Variants in KIAA1328 observed in about 807,000 individuals in gnomAD.
KIAA1328 encodes the protein protein hinderin.
KIAA1328 carries 52 observed loss-of-function variants against 68.1 expected under a neutral mutation model. The ratio of observed to expected loss-of-function variants is 0.76; its 90% CI spans 0.61 to 0.96. The LOEUF is 0.96. KIAA1328 is among the 40% of genes least tolerant of loss of function. The pLI is 0.00. For missense variants in KIAA1328, 641 were observed against 677.6 expected (o/e 0.95, Z 0.60); for synonymous variants, 232 against 239.4 (o/e 0.97, Z 0.28).
At chr18:36,913,511 C>CAT (rs2049547144) in intron 5 of KIAA1328, among the ~76,000 whole-genome samples, 2 of 119,518 alleles carry the variant, frequency 1.7e-5, no homozygotes, top group African/African-American at 2.8e-5. Context: ...CACACACACA[C>CAT]ACACACACAC....
intron 6 of KIAA1328, among the ~76,000 whole-genome samples, chr18:37,008,954 T>C (rs567565482): frequency 2.3e-4 from 35 of 152,020 alleles, no homozygotes; most frequent in African/African-American, 8.0e-4. Flanking sequence ...GTCATTGGAG[T>C]CCTAGAAGGA....
At chr18:37,153,933 G>A (rs777268803) in intron 7 of KIAA1328, among the ~76,000 whole-genome samples, 3 of 147,774 alleles carry the variant, frequency 2.0e-5, no homozygotes, top group African/African-American at 5.0e-5. Context: ...TACTCTATTC[G>A]CTTAAATGTC....
At position 37,067,562 on chromosome 18, in the gene KIAA1328, C is replaced by CTTTT; in HGVS notation, c.1232+30_1232+33dup. 3 of 1,357,106 alleles carry CTTTT rather than the reference C, an allele frequency of 2.2e-6. No homozygotes were observed. The highest frequency in any genetic ancestry group is 2.9e-5 in the Admixed American group (1 of 34,180). 84.1% of individuals were successfully genotyped at this position (1,357,106 alleles called of 1,614,324 possible). A position where few individuals can be genotyped will look rare whatever the true frequency, so the allele number is the denominator to read the frequency against. ...TTACAATTGGTGAGTACTGCCTGTT[C>CTTTT]TTTTTTTTTTTTTTTTGAGACGAAA... On this transcript the variant is annotated intron_variant, in intron 7 of 9. Coordinates refer to ENST00000280020, the MANE Select transcript of KIAA1328 (RefSeq NM_020776.3).
At chr18:36,908,893 A>C (rs1244170471) in intron 5 of KIAA1328, among the ~76,000 whole-genome samples, 2 of 152,162 alleles carry the variant, frequency 1.3e-5, no homozygotes, top group Non-Finnish European at 2.9e-5. Flanking sequence ...TTATAATTTA[A>C]GTTCACAGAA....
chr18:37,132,602 A>G (rs933621255), intron 7 of KIAA1328, among the ~76,000 whole-genome samples: 20 of 152,342 alleles, frequency 1.3e-4, no homozygotes, highest in African/African-American at 4.3e-4. Context: ...GGGAATATGC[A>G]TTCCCTTAAG....
intron 5 of KIAA1328, among the ~76,000 whole-genome samples, chr18:36,939,415 G>A (rs1045087039): frequency 6.6e-6 from 1 of 152,044 alleles, no homozygotes; most frequent in African/African-American, 2.4e-5. Context: ...GTGTAAAGAA[G>A]TGTTACTGAT....
At chr18:36,952,563 G>T (rs946099082) in intron 5 of KIAA1328, among the ~76,000 whole-genome samples, 2 of 152,124 alleles carry the variant, frequency 1.3e-5, no homozygotes, top group African/African-American at 4.8e-5. Context: ...ACTGCCCTAA[G>T]TTATATCATT....
At chr18:37,022,233 G>A (rs368145246) in intron 6 of KIAA1328, among the ~76,000 whole-genome samples, 166 of 152,154 alleles carry the variant, frequency 1.1e-3, no homozygotes, top group African/African-American at 3.7e-3. Flanking sequence ...TTCTCTTTTA[G>A]TCTGATAGAG....
Position 37,032,142 on chromosome 18 carries a change from T to C in KIAA1328, c.577-34748T>C, listed in dbSNP as rs138009597. Among the ~76,000 whole-genome samples, 668 of 152,304 alleles carry C rather than the reference T, an allele frequency of 4.4e-3. 6 individuals are homozygous for C. Among genetic ancestry groups the C allele is most frequent in the African/African-American group, 0.015 (610 of 41,560 alleles). On this transcript the variant is annotated intron_variant, in intron 6 of 9. Coordinates refer to ENST00000280020, the MANE Select transcript of KIAA1328 (RefSeq NM_020776.3). ...CTACAGTGATCTGTGATTGTGCCAC[T>C]ACACTCCAGCCAGGGCAACAGAGCA...
At chr18:37,049,396 C>T (rs2055603773) in intron 6 of KIAA1328, among the ~76,000 whole-genome samples, 1 of 152,116 alleles carries the variant, frequency 6.6e-6, no homozygotes, top group Non-Finnish European at 1.5e-5. Context: ...CATTTGAGCA[C>T]TAGGAAACTC....
intron 6 of KIAA1328, among the ~76,000 whole-genome samples, chr18:36,962,197 A>G (rs1450595704): frequency 1.3e-5 from 2 of 152,234 alleles, no homozygotes; most frequent in East Asian, 1.9e-4. Flanking sequence ...CAGACTTTAA[A>G]CCAACAAAGA....
At chr18:37,202,343 T>TTTGTAAACCC (rs1200095015) in intron 9 of KIAA1328, among the ~76,000 whole-genome samples, 1 of 152,234 alleles carries the variant, frequency 6.6e-6, no homozygotes, top group African/African-American at 2.4e-5. Context: ...GTTGGTAATC[T>TTTGTAAACCC]TTGTAAACCC....
intron 6 of KIAA1328, among the ~76,000 whole-genome samples, chr18:37,023,526 C>T (rs1172928329): frequency 1.3e-5 from 2 of 152,180 alleles, no homozygotes; most frequent in African/African-American, 4.8e-5. Flanking sequence ...TGTCATTTTA[C>T]TGCATAAGAT....
intron 7 of KIAA1328, among the ~76,000 whole-genome samples, chr18:37,116,450 C>G (rs1461738057): frequency 6.6e-6 from 1 of 152,020 alleles, no homozygotes; most frequent in East Asian, 1.9e-4. Context: ...GGAAAACTGG[C>G]TAGCCATATG....
chr18:36,967,020 C>T (rs1315522104), intron 6 of KIAA1328, among the ~76,000 whole-genome samples: 1 of 152,166 alleles, frequency 6.6e-6, no homozygotes, highest in African/African-American at 2.4e-5. Context: ...ATAATTTGTT[C>T]TAAAGCTATG....
At chr18:37,037,350 G>A (rs563586000) in intron 6 of KIAA1328, among the ~76,000 whole-genome samples, 1 of 152,222 alleles carries the variant, frequency 6.6e-6, no homozygotes, top group Non-Finnish European at 1.5e-5. Context: ...GAGGCCATAA[G>A]GGTTCATTTA....
chr18:36,962,880 T>C (rs1416024843), intron 6 of KIAA1328, among the ~76,000 whole-genome samples: 1 of 152,136 alleles, frequency 6.6e-6, no homozygotes, highest in Non-Finnish European at 1.5e-5. Flanking sequence ...AGATCTAAAA[T>C]TGACACCCTA....
intron 7 of KIAA1328, among the ~76,000 whole-genome samples, chr18:37,148,960 C>T (rs905278805): frequency 6.6e-6 from 1 of 152,148 alleles, no homozygotes; most frequent in Non-Finnish European, 1.5e-5. Flanking sequence ...TGTGCAGAAG[C>T]TCTGATAGAA....
chr18:36,973,667 G>A (rs1436269264), intron 6 of KIAA1328, among the ~76,000 whole-genome samples: 13 of 151,944 alleles, frequency 8.6e-5, no homozygotes, highest in Non-Finnish European at 1.9e-4. Flanking sequence ...TAATTACTCA[G>A]TGAAATATTA....
Sources: gnomAD v4.1 joint callset for allele counts (sites outside exome capture counted in the v4.1 genomes callset) on GRCh38, gnomAD v4.1.1 for gene constraint, MANE v1.5 for transcripts, NCBI Gene and HGNC (gene_info 2026-07-23, HGNC 2026-07-21) for gene names.